The following LDLRAD4 variants were observed in gnomAD, a reference collection of about 807,000 sequenced individuals.
The protein encoded by LDLRAD4 is low-density lipoprotein receptor class A domain-containing protein 4.
In LDLRAD4, 5 loss-of-function variants were observed where a neutral mutation model predicts 17.0. The observed-to-expected ratio is 0.29, with a 90% CI of 0.15 to 0.62. The LOEUF is 0.62. Among genes scored for constraint, LDLRAD4 ranks in the 20% least tolerant of loss-of-function variants. The probability of loss-of-function intolerance (pLI) is 0.84; values close to 1 mark genes in which losing one functional copy is unlikely to be tolerated. For synonymous variants in LDLRAD4, 168 were observed against 171.8 expected (o/e 0.98, Z 0.17); for missense variants, 340 against 424.7 (o/e 0.80, Z 1.75).
At chr18:13,385,999 A>G (rs1470973154) in intron 1 of LDLRAD4, among the ~76,000 whole-genome samples, 1 of 152,184 alleles carries the variant, frequency 6.6e-6, no homozygotes, top group Non-Finnish European at 1.5e-5. Flanking sequence ...TACTTCATTA[A>G]TTTATAACAT....
intron 3 of LDLRAD4, among the ~76,000 whole-genome samples, chr18:13,577,717 C>T (rs2094795462): frequency 6.6e-6 from 1 of 152,136 alleles, no homozygotes; most frequent in Admixed American, 6.5e-5. Context: ...AAAGTACCGG[C>T]TACATTATCG....
At chr18:13,443,377 C>T (rs894077572) in intron 3 of LDLRAD4, among the ~76,000 whole-genome samples, 27 of 152,312 alleles carry the variant, frequency 1.8e-4, no homozygotes, top group Admixed American at 1.4e-3. Context: ...GGATCAGGCT[C>T]ATAACCACAT....
chr18:13,292,005 A>G (rs548888230), intron 1 of LDLRAD4, among the ~76,000 whole-genome samples: 55 of 152,272 alleles, frequency 3.6e-4, no homozygotes, highest in African/African-American at 1.3e-3. Context: ...TAGGCTACCA[A>G]ACAGAAGTTG....
At chr18:13,316,755 A>G (rs1220645285) in intron 1 of LDLRAD4, among the ~76,000 whole-genome samples, 1 of 152,206 alleles carries the variant, frequency 6.6e-6, no homozygotes, top group Non-Finnish European at 1.5e-5. Context: ...ACAATCTCCA[A>G]AGTAACCACT....
intron 3 of LDLRAD4, among the ~76,000 whole-genome samples, chr18:13,512,138 G>T (rs2093791463): frequency 6.6e-6 from 1 of 152,158 alleles, no homozygotes; most frequent in African/African-American, 2.4e-5. Context: ...TTTCATGGTT[G>T]TGTCTCATGC....
At chr18:13,261,111 A>G (rs2145943765) in intron 1 of LDLRAD4, among the ~76,000 whole-genome samples, 1 of 152,324 alleles carries the variant, frequency 6.6e-6, no homozygotes, top group Middle Eastern at 3.4e-3. Flanking sequence ...GAGCTCAGCT[A>G]CGATGGACTG....
intron 1 of LDLRAD4, among the ~76,000 whole-genome samples, chr18:13,328,203 G>A (rs1291492924): frequency 1.3e-5 from 2 of 152,212 alleles, no homozygotes; most frequent in African/African-American, 4.8e-5. Context: ...GGCTCAGTGA[G>A]GGTTCTTGTG....
intron 1 of LDLRAD4, among the ~76,000 whole-genome samples, chr18:13,223,880 A>G (rs1167111716): frequency 1.3e-5 from 2 of 152,220 alleles, no homozygotes; most frequent in Non-Finnish European, 2.9e-5. Context: ...AGGGTGGAGC[A>G]GCCTGGGCAG....
chr18:13,344,422 G>C (rs1450546312), intron 1 of LDLRAD4, among the ~76,000 whole-genome samples: 1 of 152,172 alleles, frequency 6.6e-6, no homozygotes, highest in Non-Finnish European at 1.5e-5. Flanking sequence ...TGAGGGCTCT[G>C]TTCTGTTCCA....
chr18:13,491,064 G>A (rs568451154), intron 3 of LDLRAD4, among the ~76,000 whole-genome samples: 1 of 152,294 alleles, frequency 6.6e-6, no homozygotes, highest in South Asian at 2.1e-4. Flanking sequence ...TCATGGTAGT[G>A]GGGGCTGCTC....
At position 13,607,152 on chromosome 18, in the gene LDLRAD4, G is replaced by A. The variant is rs376792681; in HGVS notation, c.182-13965G>A. On this transcript the variant is annotated intron_variant, in intron 3 of 5. Transcript: ENST00000359446. ...GAGCAAAACAATGAGTGGGTGGCCGGATGGGAGTGTCAGAGTCAGACTATC... is the reference window on the plus strand; with the variant it reads ...GAGCAAAACAATGAGTGGGTGGCCGAATGGGAGTGTCAGAGTCAGACTATC... 3.7e-3 allele frequency among the ~76,000 whole-genome samples: 571 copies of A among 152,284 alleles called. 3 individuals are homozygous for A. Among genetic ancestry groups the A allele is most frequent in the African/African-American group, 0.013 (547 of 41,546 alleles).
intron 3 of LDLRAD4, among the ~76,000 whole-genome samples, chr18:13,585,158 G>A (rs2094917355): frequency 6.6e-6 from 1 of 152,224 alleles, no homozygotes; most frequent in Admixed American, 6.5e-5. Context: ...ATAGCACCCA[G>A]ACAGCCTGAG....
intron 2 of LDLRAD4, 134 bp from the exon 4 acceptor site, chr18:13,438,110 T>C (rs2090785983): frequency 1.3e-6 from 1 of 792,104 alleles, no homozygotes; most frequent in African/African-American, 1.7e-5. Context: ...TTTAGTGTCC[T>C]GGGCTCTCCA....
intron 3 of LDLRAD4, among the ~76,000 whole-genome samples, chr18:13,501,913 T>C (rs1032298043): frequency 7.9e-5 from 12 of 152,386 alleles, no homozygotes; most frequent in African/African-American, 2.9e-4. Context: ...GTGTTTGATA[T>C]GTTCAACCTA....
chr18:13,364,881 G>A (rs769632121), intron 1 of LDLRAD4, among the ~76,000 whole-genome samples: 11 of 152,206 alleles, frequency 7.2e-5, no homozygotes, highest in African/African-American at 1.4e-4. Flanking sequence ...AGTTCCACTC[G>A]TGTGTTTGAA....
intron 1 of LDLRAD4, among the ~76,000 whole-genome samples, chr18:13,324,313 AT>A (rs11415761): frequency 1.2e-4 from 17 of 147,714 alleles, no homozygotes; most frequent in East Asian, 2.1e-4. Context: ...AATTTTTCGT[AT>A]TTTTTTTTTA....
intron 1 of LDLRAD4, among the ~76,000 whole-genome samples, chr18:13,361,854 C>T (rs746658875): frequency 3.3e-5 from 5 of 152,054 alleles, no homozygotes; most frequent in African/African-American, 2.4e-5. Flanking sequence ...CATGGTAGAG[C>T]GACGCATGAC....
At chr18:13,299,906 C>T (rs963590755) in intron 1 of LDLRAD4, among the ~76,000 whole-genome samples, 2 of 152,128 alleles carry the variant, frequency 1.3e-5, no homozygotes, top group African/African-American at 2.4e-5. Context: ...CTGGTGGTGA[C>T]GTCTGCATTG....
At chr18:13,311,915 C>T (rs12955311) in intron 1 of LDLRAD4, among the ~76,000 whole-genome samples, 89,729 of 150,892 alleles carry the variant, frequency 0.59, 28,506 homozygotes, top group Non-Finnish European at 0.72. Flanking sequence ...CACTGCAAGC[C>T]TCCCCTCCCG....
Sources: gnomAD v4.1 joint callset for allele counts (sites outside exome capture counted in the v4.1 genomes callset) on GRCh38, gnomAD v4.1.1 for gene constraint, MANE v1.5 for transcripts, NCBI Gene and HGNC (gene_info 2026-07-23, HGNC 2026-07-21) for gene names.